DNAJC3: variants seen among roughly 807,000 people sequenced by gnomAD.
DNAJC3 encodes dnaJ homolog subfamily C member 3.
A neutral mutation model predicts 68.6 loss-of-function variants in DNAJC3; 38 were observed. That is an observed-to-expected ratio of 0.55 (90% CI 0.43 to 0.73). The LOEUF is 0.73. Among genes scored for constraint, DNAJC3 ranks in the 30% least tolerant of loss-of-function variants. DNAJC3 has a pLI of 0.00. For synonymous variants in DNAJC3, 203 were observed against 204.0 expected, an observed-to-expected ratio of 1.00 and a Z score of 0.04; for missense variants, 526 against 591.9, an observed-to-expected ratio of 0.89 and a Z score of 1.16.
intron 1 of DNAJC3, among the ~76,000 whole-genome samples, chr13:95,702,104 T>C (rs999583828): frequency 6.6e-6 from 1 of 152,220 alleles, no homozygotes; most frequent in African/African-American, 2.4e-5. Flanking sequence ...TAACCAACTT[T>C]TGTTTGCATG....
At chr13:95,745,226 TTAAA>T (rs1192868580) in intron 4 of DNAJC3, 1 of 152,246 alleles carries the variant, frequency 6.6e-6, no homozygotes, top group Non-Finnish European at 1.5e-5. Context: ...TTTATGTCTG[TTAAA>T]TTAATATGAT....
In DNAJC3 at chr13:95,770,362, TAG is replaced by T. The variant is rs1424054294; in HGVS notation, c.1075+6412_1075+6413del. Among the ~76,000 whole-genome samples, 4 of 152,306 alleles carry T rather than the reference TAG, an allele frequency of 2.6e-5. No individual in the cohort carries two copies. In the East Asian group the frequency reaches 5.8e-4, roughly 22 times the overall value. ...TATCTGCCTACTCTAGTGCTTTGAA[TAG>T]AGTTGGTGATATTTCTTAAGTGTTG... On this transcript the variant is annotated intron_variant, in intron 9 of 11. Transcript: ENST00000602402.
intron 4 of DNAJC3, among the ~76,000 whole-genome samples, chr13:95,751,772 A>T (rs1024662574): frequency 6.6e-6 from 1 of 152,200 alleles, no homozygotes; most frequent in African/African-American, 2.4e-5. Context: ...TTTATAAAGG[A>T]AAGAGGTTTA....
intron 2 of DNAJC3, among the ~76,000 whole-genome samples, chr13:95,721,661 C>CT (rs564956659): frequency 4.7e-4 from 68 of 145,592 alleles, no homozygotes; most frequent in Non-Finnish European, 9.5e-4. Flanking sequence ...TTTGGTTTTG[C>CT]TTTTTTAGTT....
intron 1 of DNAJC3, chr13:95,694,168 C>T (rs1593956575): frequency 6.6e-6 from 1 of 152,174 alleles, no homozygotes; most frequent in Admixed American, 6.6e-5. Flanking sequence ...AATCACCACC[C>T]CATCATATTC....
At chr13:95,677,407 C>G in intron 1 of DNAJC3, 70 bp downstream of exon 1, 1 of 1,473,606 alleles carries the variant, frequency 6.8e-7, no homozygotes, top group South Asian at 1.3e-5. Context: ...CCCGTCTGCG[C>G]CCGGGCGCCT....
chr13:95,764,681 T>TAC lies in DNAJC3; in HGVS notation c.1075+729_1075+730insCA, dbSNP rs1246800612. 7.0e-3 allele frequency among the ~76,000 whole-genome samples: 773 copies of TAC among 109,900 alleles called. 6 individuals are homozygous for TAC. Among genetic ancestry groups the TAC allele is most frequent in the African/African-American group, 0.023 (540 of 23,728 alleles). 72.1% of individuals were successfully genotyped at this position (109,900 alleles called of 152,430 possible). On this transcript the variant is annotated intron_variant, in intron 9 of 11. Transcript: ENST00000602402. Reference sequence around the variant, plus strand: ...ATATATATATATATATATATATATATATACACACACACACATATATATATA... The same window carrying TAC: ...ATATATATATATATATATATATATATACATACACACACACACATATATATATA...
chr13:95,770,705 G>A (rs1594019669), intron 9 of DNAJC3, among the ~76,000 whole-genome samples: 1 of 152,156 alleles, frequency 6.6e-6, no homozygotes, highest in East Asian at 1.9e-4. Flanking sequence ...ATGTGATCTA[G>A]TGTAGGAAGT....
chr13:95,764,249 C>T lies in DNAJC3; in HGVS notation c.1075+296C>T, dbSNP rs1882905642. 3.9e-5 allele frequency among the ~76,000 whole-genome samples: 6 copies of T among 151,964 alleles called. 1 individual carries two copies. The South Asian group carries it at 1.0e-3, about 26-fold the overall frequency. On this transcript the variant is annotated intron_variant, in intron 9 of 11. Coordinates refer to ENST00000602402, the MANE Select transcript of DNAJC3 (RefSeq NM_006260.5). ...AATAGAAAATTTAAATTGTAGCTCT[C>T]ATGTTATCCGGAAGTAATCACTGTT...
intron 11 of DNAJC3, 121 bp downstream of exon 11, chr13:95,787,276 C>T: frequency 7.9e-7 from 1 of 1,269,928 alleles, no homozygotes; most frequent in African/African-American, 1.5e-5. Context: ...AGCCCAGTTC[C>T]AGAGGTCCAG....
At chr13:95,783,124 T>A (rs1883501298) in intron 9 of DNAJC3, among the ~76,000 whole-genome samples, 1 of 152,202 alleles carries the variant, frequency 6.6e-6, no homozygotes, top group South Asian at 2.1e-4. Context: ...TTGTTTTGTT[T>A]TTTTAGATGC....
At chr13:95,725,093 G>A (rs1381904905) in intron 3 of DNAJC3, 85 bp from the exon 4 acceptor site, 1 of 833,504 alleles carries the variant, frequency 1.2e-6, no homozygotes, top group Middle Eastern at 3.2e-4. Flanking sequence ...TTAATAATTT[G>A]TTTATTTAGT....
intron 4 of DNAJC3, among the ~76,000 whole-genome samples, chr13:95,733,905 CCATT>C (rs937202786): frequency 6.6e-5 from 10 of 152,010 alleles, no homozygotes; most frequent in Non-Finnish European, 1.3e-4. Flanking sequence ...TTTTAAAAAT[CCATT>C]CAGTCAGTCC....
intron 9 of DNAJC3, among the ~76,000 whole-genome samples, chr13:95,784,196 C>T (rs917815404): frequency 6.6e-6 from 1 of 152,166 alleles, no homozygotes; most frequent in Non-Finnish European, 1.5e-5. Flanking sequence ...TTTATCCCAG[C>T]AATCTATTAT....
intron 9 of DNAJC3, among the ~76,000 whole-genome samples, chr13:95,766,062 A>T (rs1384303154): frequency 2.0e-5 from 3 of 152,214 alleles, no homozygotes; most frequent in African/African-American, 7.2e-5. Flanking sequence ...AATGATGTAA[A>T]TAAATAATAA....
chr13:95,737,055 T>C (rs1219451204), intron 4 of DNAJC3, among the ~76,000 whole-genome samples: 3 of 151,570 alleles, frequency 2.0e-5, no homozygotes, highest in East Asian at 3.9e-4. Flanking sequence ...TGTCAAAGGC[T>C]TTTTCTGCAT....
intron 9 of DNAJC3, among the ~76,000 whole-genome samples, chr13:95,770,149 G>C (rs924332966): frequency 4.6e-5 from 7 of 152,120 alleles, no homozygotes; most frequent in Admixed American, 3.3e-4. Flanking sequence ...GGTTTGAATA[G>C]AGAAAGACAG....
At position 95,725,272 on chromosome 13, in the gene DNAJC3, G is replaced by T; in HGVS notation, c.393+20G>T. 1 of 1,540,572 alleles carries T rather than the reference G, an allele frequency of 6.5e-7. No individual in the cohort carries two copies. The highest frequency in any genetic ancestry group is 1.2e-5 in the South Asian group (1 of 81,562). On this transcript the variant is annotated intron_variant, in intron 4 of 11. Transcript: ENST00000602402. ...AAAGTGGTAAGTTCAATATGTATTTGACTCTAGGAAGATGTTATTTTGAGA... is the reference window on the plus strand; with the variant it reads ...AAAGTGGTAAGTTCAATATGTATTTTACTCTAGGAAGATGTTATTTTGAGA...
At chr13:95,778,781 GTTTA>G (rs1027657122) in intron 9 of DNAJC3, among the ~76,000 whole-genome samples, 1 of 152,104 alleles carries the variant, frequency 6.6e-6, no homozygotes, top group Admixed American at 6.5e-5. Flanking sequence ...AATACACTGT[GTTTA>G]TTCAGTATTT....
Sources: gnomAD v4.1 joint callset for allele counts (sites outside exome capture counted in the v4.1 genomes callset) on GRCh38, gnomAD v4.1.1 for gene constraint, MANE v1.5 for transcripts, NCBI Gene and HGNC (gene_info 2026-07-23, HGNC 2026-07-21) for gene names.